Variants in NEO1 observed in about 807,000 individuals in gnomAD.
The protein encoded by NEO1 is neogenin 1.
Under a neutral mutation model 159.7 loss-of-function variants are expected in NEO1, and 63 were observed. That is an observed-to-expected ratio of 0.39 (90% CI 0.32 to 0.49). The LOEUF (loss-of-function observed/expected upper bound fraction) is 0.49. Among genes scored for constraint, NEO1 ranks in the 20% least tolerant of loss-of-function variants. The pLI is 0.85. For synonymous variants in NEO1, 633 were observed against 662.0 expected (o/e 0.96, Z 0.67); for missense variants, 1,615 against 1,831.0 (o/e 0.88, Z 2.15).
intron 7 of NEO1, among the ~76,000 whole-genome samples, chr15:73,182,407 C>T (rs1022667550): frequency 6.6e-6 from 1 of 152,200 alleles, no homozygotes; most frequent in African/African-American, 2.4e-5. Flanking sequence ...CCCATTCTCA[C>T]CACATAAAGA....
At chr15:73,168,382 G>A (rs532549173) in intron 5 of NEO1, among the ~76,000 whole-genome samples, 6 of 46,260 alleles carry the variant, frequency 1.3e-4, no homozygotes, top group Admixed American at 3.6e-4. Context: ...CGGGGGGTGG[G>A]GGGGGGGGGT....
intron 7 of NEO1, among the ~76,000 whole-genome samples, chr15:73,187,091 C>T (rs1259914894): frequency 6.6e-6 from 1 of 152,162 alleles, no homozygotes; most frequent in Non-Finnish European, 1.5e-5. Flanking sequence ...TTACTGCACA[C>T]AACAATACTG....
chr15:73,217,654 T>C (rs1314518811), intron 7 of NEO1, among the ~76,000 whole-genome samples: 1 of 152,148 alleles, frequency 6.6e-6, no homozygotes, highest in Non-Finnish European at 1.5e-5. Flanking sequence ...ACGTCCCTTG[T>C]AAGTTGGATT....
At chr15:73,090,623 T>G (rs2151439601) in intron 1 of NEO1, among the ~76,000 whole-genome samples, 1 of 152,330 alleles carries the variant, frequency 6.6e-6, no homozygotes, top group Admixed American at 6.5e-5. Flanking sequence ...ACTATTACAA[T>G]TCTTAACATA....
chr15:73,210,560 G>A (rs2037501346), intron 7 of NEO1, among the ~76,000 whole-genome samples: 1 of 152,212 alleles, frequency 6.6e-6, no homozygotes, highest in East Asian at 1.9e-4. Context: ...ATTTGAGAAA[G>A]CAAATAACTT....
At chr15:73,232,220 A>G (rs896903922) in intron 7 of NEO1, among the ~76,000 whole-genome samples, 5 of 152,080 alleles carry the variant, frequency 3.3e-5, no homozygotes, top group African/African-American at 1.2e-4. Flanking sequence ...TGTTTGTTTA[A>G]TAACTTGCCT....
chr15:73,236,110 G>T (rs2039155244), intron 7 of NEO1, among the ~76,000 whole-genome samples: 1 of 152,136 alleles, frequency 6.6e-6, no homozygotes, highest in Admixed American at 6.5e-5. Context: ...GTTTTCAGTA[G>T]TTACCCTGGC....
intron 15 of NEO1, among the ~76,000 whole-genome samples, chr15:73,260,726 G>A (rs956092384): frequency 6.6e-6 from 1 of 152,148 alleles, no homozygotes; most frequent in Non-Finnish European, 1.5e-5. Flanking sequence ...GGGTAGAAGT[G>A]TTGGGTTTCT....
At chr15:73,218,459 T>G (rs893414552) in intron 7 of NEO1, among the ~76,000 whole-genome samples, 1 of 152,026 alleles carries the variant, frequency 6.6e-6, no homozygotes, top group African/African-American at 2.4e-5. Context: ...TTAGGGAGGA[T>G]TCCCTCTTTT....
chr15:73,142,438 G>C (rs1272651514), intron 5 of NEO1, among the ~76,000 whole-genome samples: 2 of 152,256 alleles, frequency 1.3e-5, no homozygotes, highest in East Asian at 3.9e-4. Flanking sequence ...TAAGGAAGTG[G>C]TGGAGCTTGG....
intron 25 of NEO1, among the ~76,000 whole-genome samples, chr15:73,290,728 C>G (rs1420915075): frequency 6.6e-6 from 1 of 152,150 alleles, no homozygotes; most frequent in African/African-American, 2.4e-5. Context: ...GGAAGTGAAG[C>G]CTTTCAGACT....
intron 1 of NEO1, among the ~76,000 whole-genome samples, chr15:73,088,852 G>A (rs111631743): frequency 3.6e-4 from 55 of 152,138 alleles, no homozygotes; most frequent in Non-Finnish European, 6.8e-4. Context: ...TGAAGTAAGA[G>A]AGAGTAAAGT....
At chr15:73,086,730 A>G (rs1213118272) in intron 1 of NEO1, among the ~76,000 whole-genome samples, 27 of 128,660 alleles carry the variant, frequency 2.1e-4, no homozygotes, top group African/African-American at 8.3e-4. Flanking sequence ...CCTAGGCTGG[A>G]GTGCAGTGGC....
At chr15:73,077,192 C>T (rs371995301) in intron 1 of NEO1, among the ~76,000 whole-genome samples, 58 of 152,040 alleles carry the variant, frequency 3.8e-4, no homozygotes, top group Non-Finnish European at 5.9e-4. Context: ...TACAGGTGCC[C>T]GCCACCACGC....
At chr15:73,063,081 A>AT (rs2068053482) in intron 1 of NEO1, among the ~76,000 whole-genome samples, 1 of 152,230 alleles carries the variant, frequency 6.6e-6, no homozygotes, top group Non-Finnish European at 1.5e-5. Context: ...TAGACCTAGA[A>AT]TAAGAATTAT....
intron 18 of NEO1, 75 bp downstream of exon 18, chr15:73,270,529 T>G: frequency 6.8e-7 from 1 of 1,475,510 alleles, no homozygotes. Context: ...TGAATTGACA[T>G]ATTTACAAAA....
chr15:73,231,218 T>A (rs1271774365), intron 7 of NEO1, among the ~76,000 whole-genome samples: 1 of 152,188 alleles, frequency 6.6e-6, no homozygotes, highest in Admixed American at 6.5e-5. Flanking sequence ...ACATTATGAA[T>A]CTTCATAATC....
chr15:73,161,308 T>C (rs2034160643), intron 5 of NEO1, among the ~76,000 whole-genome samples: 1 of 152,208 alleles, frequency 6.6e-6, no homozygotes, highest in Admixed American at 6.5e-5. Context: ...CCAACATTAT[T>C]CTTTCCAAGT....
chr15:73,060,882 T>C (rs2067944580), intron 1 of NEO1, among the ~76,000 whole-genome samples: 1 of 151,750 alleles, frequency 6.6e-6, no homozygotes, highest in African/African-American at 2.4e-5. Flanking sequence ...ACTCCTAGAC[T>C]CAAGCAATCT....
Sources: gnomAD v4.1 joint callset for allele counts (sites outside exome capture counted in the v4.1 genomes callset) on GRCh38, gnomAD v4.1.1 for gene constraint, MANE v1.5 for transcripts, NCBI Gene and HGNC (gene_info 2026-07-23, HGNC 2026-07-21) for gene names.